Variants in DBN1 observed in about 807,000 individuals in gnomAD.
The protein encoded by DBN1 is drebrin 1.
A neutral mutation model predicts 83.5 loss-of-function variants in DBN1; 21 were observed. The ratio of observed to expected loss-of-function variants is 0.25; its 90% CI spans 0.18 to 0.36. The LOEUF is 0.36. Ranked by LOEUF, DBN1 falls within the 10% of genes least tolerant of loss-of-function variation. The probability of loss-of-function intolerance (pLI) is 1.00; values close to 1 mark genes in which losing one functional copy is unlikely to be tolerated. For synonymous variants in DBN1, 381 were observed against 384.9 expected (o/e 0.99, Z 0.12); for missense variants, 874 against 935.7 (o/e 0.93, Z 0.86).
At position 177,466,197 on chromosome 5, in the gene DBN1, C is replaced by G. The variant is rs987026187; in HGVS notation, c.771+575G>C. ...CTTCCTGAACTGAGCCATGCTCAGT[C>G]CTGAATGACATTAGCTATTTCCAAA... On this transcript the variant is annotated intron_variant, in intron 8 of 14. Coordinates refer to ENST00000393565, the MANE Select transcript of DBN1 (RefSeq NM_001363541.2). The surrounding 1 kb of genome is among the most constrained non-coding windows in gnomAD (Gnocchi z 4.8). 6.6e-6 allele frequency among the ~76,000 whole-genome samples: 1 copy of G among 152,172 alleles called. No homozygotes were observed. Among genetic ancestry groups the G allele is most frequent in the African/African-American group, 2.4e-5 (1 of 41,432 alleles).
chr5:177,459,117 C>T lies in DBN1; in HGVS notation c.1245G>A (p.Pro415=), dbSNP rs139033012. The part of the protein sequence containing the change: ...VTSSQPPPLP[P]PPPPAQETQE... ...TCTCACCTTGGGCTGGTGGGGGTGG[C>T]GGTGGCAGTGGTGGAGGCTGCGAGG... Residue 415 remains proline, a synonymous_variant, in exon 12 of 15, where the codon CCG becomes CCA. Coordinates refer to ENST00000393565, the MANE Select transcript of DBN1 (RefSeq NM_001363541.2). 53 of 1,608,530 alleles carry T rather than the reference C, an allele frequency of 3.3e-5. No homozygotes were observed. In the African/African-American group the frequency reaches 3.9e-4, roughly 12 times the overall value.
rs1427455675 is a variant in DBN1 at position 177,457,273 on chromosome 5, G to A, written c.*160C>T. ...AAAAAGAGAAAAGCTGTAAAAGTCA[G>A]GCCCTGTGGGTAGGGAAGCGGCCAA... is the stretch of plus-strand genomic sequence containing the variant. On this transcript the variant is annotated 3_prime_UTR_variant, in exon 15 of 15. Coordinates refer to ENST00000393565, the MANE Select transcript of DBN1 (RefSeq NM_001363541.2). 4 of 673,028 alleles carry A rather than the reference G, an allele frequency of 5.9e-6. No individual in the cohort carries two copies. In the East Asian group the frequency reaches 7.6e-5, roughly 13 times the overall value. The allele number at this position is 673,028 out of a possible 1,614,324, so 41.7% of individuals were successfully genotyped here.
At chr5:177,472,484 GC>G (rs1247700456) in intron 1 of DBN1, 33 of 1,154,454 alleles carry the variant, frequency 2.9e-5, no homozygotes, top group Admixed American at 9.0e-5. Context: ...ACCACCCTGG[GC>G]CGCCAGCCCC....
intron 10 of DBN1, among the ~76,000 whole-genome samples, 185 bp downstream of exon 10, chr5:177,460,247 C>T (rs1756918774): frequency 6.6e-6 from 1 of 152,224 alleles, no homozygotes; most frequent in South Asian, 2.1e-4. Flanking sequence ...GCGACTTCAC[C>T]ACCATCCCTG....
At position 177,466,904 on chromosome 5, in the gene DBN1, G is replaced by A. The variant is rs370520314; in HGVS notation, c.707+7C>T. On this transcript the variant is annotated splice_region_variant and intron_variant, in intron 7 of 14. Transcript: ENST00000393565. The surrounding 1 kb of genome is among the most constrained non-coding windows in gnomAD (Gnocchi z 4.8). ...GCCCCTGGAGCGCTCCGGGCGGGCA[G>A]GCTCACCTGTGCTCCTCGATCTGCT... is the stretch of plus-strand genomic sequence containing the variant. 76 of 1,613,062 alleles carry A rather than the reference G, an allele frequency of 4.7e-5. No homozygotes were observed. The highest frequency in any genetic ancestry group is 1.4e-4 in the South Asian group (13 of 91,062).
chr5:177,457,911 CAGGG>C (rs1351848178), intron 13 of DBN1, 143 bp downstream of exon 13: 5 of 1,004,300 alleles, frequency 5.0e-6, no homozygotes, highest in Non-Finnish European at 7.2e-6. Context: ...AGAGCCGGCC[CAGGG>C]AGGGAGGGTG....
intron 1 of DBN1, chr5:177,472,443 G>A (rs1304787880): frequency 7.4e-7 from 1 of 1,349,468 alleles, no homozygotes; most frequent in Non-Finnish European, 9.5e-7. Context: ...CCAGGATGGG[G>A]CTGTGAGGAA....
intron 1 of DBN1, chr5:177,472,095 GTGC>G: frequency 9.4e-6 from 15 of 1,599,202 alleles, no homozygotes; most frequent in Non-Finnish European, 1.3e-5. Flanking sequence ...TGCTGAGCCT[GTGC>G]CGGCCTCTCC....
In DBN1 at chr5:177,467,162, G is replaced by A. The variant is rs1757505247; in HGVS notation, c.555+93C>T. On this transcript the variant is annotated intron_variant, in intron 6 of 14. Coordinates refer to ENST00000393565, the MANE Select transcript of DBN1 (RefSeq NM_001363541.2). The surrounding 1 kb of genome is among the most constrained non-coding windows in gnomAD (Gnocchi z 9.1). ...ACCCAGCGCTGGGGGCGGGGCACGT[G>A]GCATGGGCCATGCCACTGCAGTGAG... The A allele has an allele frequency of 1.2e-6, 2 of 1,606,690 alleles. No homozygotes were observed. Among genetic ancestry groups the A allele is most frequent in the Non-Finnish European group, 1.7e-6 (2 of 1,174,300 alleles).
At chr5:177,457,783 TG>T (rs1561675260) in intron 13 of DBN1, 26 bp from the exon 14 acceptor site, 1 of 1,480,034 alleles carries the variant, frequency 6.8e-7, no homozygotes. Context: ...TCAGGTCACT[TG>T]GCCCCACCCA....
chr5:177,459,652 A>C lies in DBN1; in HGVS notation c.1044T>G (p.Phe348Leu). 1.3e-6 allele frequency: 2 copies of C among 1,585,664 alleles called. No homozygotes were observed. The highest frequency in any genetic ancestry group is 1.7e-6 in the Non-Finnish European group (2 of 1,166,414). ...SSSSSPPRTPFPYITCHRTPN... is the reference protein window; with the variant it reads ...SSSSSPPRTPLPYITCHRTPN... Reference sequence around the variant, plus strand: ...GGGTGCGGTGGCAGGTGATATAGGGAAAGGGAGTCCGTGGAGGGGAGGAGG... The same window carrying C: ...GGGTGCGGTGGCAGGTGATATAGGGCAAGGGAGTCCGTGGAGGGGAGGAGG... The change falls in exon 11 of 15, where the codon TTT (phenylalanine) becomes TTG (leucine). Residue 348 changes from phenylalanine to leucine, a missense_variant. Phe to Leu is a conservative substitution (Grantham distance 22). Coordinates refer to ENST00000393565, the MANE Select transcript of DBN1 (RefSeq NM_001363541.2).
chr5:177,464,646 T>TA (rs869186471), intron 8 of DBN1, among the ~76,000 whole-genome samples: 7 of 133,630 alleles, frequency 5.2e-5, no homozygotes, highest in Non-Finnish European at 1.0e-4. Context: ...AATAAATAAA[T>TA]AATAAACTTT....
chr5:177,471,721 CA>C (rs1298098697), intron 1 of DBN1, among the ~76,000 whole-genome samples: 2 of 152,158 alleles, frequency 1.3e-5, no homozygotes, highest in African/African-American at 2.4e-5. Flanking sequence ...GTGTGTCCCA[CA>C]CACAACCCAG....
At chr5:177,472,316 C>T (rs1438655421) in intron 1 of DBN1, 11 of 1,539,416 alleles carry the variant, frequency 7.1e-6, no homozygotes, top group East Asian at 2.4e-5. Context: ...CTGCCCTCCT[C>T]TTTGCCTCAG....
In DBN1 at chr5:177,457,381, G is replaced by C; in HGVS notation, c.*52C>G. On this transcript the variant is annotated 3_prime_UTR_variant, in exon 15 of 15. Coordinates refer to ENST00000393565, the MANE Select transcript of DBN1 (RefSeq NM_001363541.2). ...GGCACGGCGGGCCGTCTGGCCAGAG[G>C]CTGATGCAGGTGGGCGGCCTTGGCA... 6.7e-7 allele frequency: 1 copy of C among 1,500,748 alleles called. No homozygotes were observed. Among genetic ancestry groups the C allele is most frequent in the Non-Finnish European group, 9.3e-7 (1 of 1,077,502 alleles). The allele number at this position is 1,500,748 out of a possible 1,614,324, so 93.0% of individuals were successfully genotyped here.
At chr5:177,462,597 A>G (rs1757131278) in intron 8 of DBN1, among the ~76,000 whole-genome samples, 1 of 152,134 alleles carries the variant, frequency 6.6e-6, no homozygotes, top group Admixed American at 6.5e-5. Flanking sequence ...AGGCGGGCGC[A>G]TGTTTGCTCA....
intron 1 of DBN1, chr5:177,472,165 G>A: frequency 6.2e-7 from 1 of 1,613,504 alleles, no homozygotes; most frequent in Admixed American, 1.7e-5. Context: ...CTCCAGGCCT[G>A]GCTGCTGGCC....
In DBN1 at chr5:177,458,085, G is replaced by C. The variant is rs775016803; in HGVS notation, c.1887C>G (p.Gly629=). 3 of 1,613,696 alleles carry C rather than the reference G, an allele frequency of 1.9e-6. No homozygotes were observed. The South Asian group carries it at 3.3e-5, about 18-fold the overall frequency. The change falls in exon 13 of 15, where the codon GGC becomes GGG. Residue 629 remains glycine, a synonymous_variant. Coordinates refer to ENST00000393565, the MANE Select transcript of DBN1 (RefSeq NM_001363541.2). The stretch of plus-strand genomic sequence containing the variant: ...GGGTCCCCTCCTTCTGGGTGGTCTC[G>C]CCATTGGTTAGCAGGTGGGGCTCCG... ...QEPEPHLLTN[G]ETTQKEGTQA...
chr5:177,461,604 G>C (rs1406789404), intron 8 of DBN1, among the ~76,000 whole-genome samples: 1 of 152,116 alleles, frequency 6.6e-6, no homozygotes, highest in African/African-American at 2.4e-5. Context: ...AGGTGCCTAG[G>C]GCCCTCCAGA....
Sources: gnomAD v4.1 joint callset for allele counts (sites outside exome capture counted in the v4.1 genomes callset) on GRCh38, gnomAD v4.1.1 for gene constraint, Gnocchi (gnomAD v3.1) non-coding constraint, MANE v1.5 for transcripts, NCBI Gene and HGNC (gene_info 2026-07-23, HGNC 2026-07-21) for gene names.